CNTN4: variants seen among roughly 807,000 people sequenced by gnomAD.
CNTN4 encodes contactin-4.
CNTN4 carries 77 observed loss-of-function variants against 122.5 expected under a neutral mutation model. The ratio of observed to expected loss-of-function variants is 0.63; its 90% CI spans 0.52 to 0.76. The LOEUF (loss-of-function observed/expected upper bound fraction) is 0.76, where lower values mean the gene tolerates loss of function less well. Among genes scored for constraint, CNTN4 ranks in the 30% least tolerant of loss-of-function variants. CNTN4 has a pLI of 0.00. For missense variants in CNTN4, 1,256 were observed against 1,259.1 expected (o/e 1.00, Z 0.04); for synonymous variants, 512 against 447.0 (o/e 1.15, Z -1.83).
chr3:2,272,910 A>G (rs1293212167), intron 2 of CNTN4, among the ~76,000 whole-genome samples: 3 of 152,082 alleles, frequency 2.0e-5, no homozygotes, highest in Non-Finnish European at 4.4e-5. Flanking sequence ...ATCAAGCCCT[A>G]TCAAAGTGCC....
chr3:2,754,047 G>A (rs902386385), intron 6 of CNTN4, among the ~76,000 whole-genome samples: 3 of 152,080 alleles, frequency 2.0e-5, no homozygotes, highest in African/African-American at 7.2e-5. Flanking sequence ...TAACTGGTTG[G>A]TAAACTGTTT....
chr3:2,556,183 G>A (rs1439823404), intron 3 of CNTN4, among the ~76,000 whole-genome samples: 7 of 152,078 alleles, frequency 4.6e-5, no homozygotes, highest in Non-Finnish European at 1.0e-4. Flanking sequence ...ACAAAAATTG[G>A]CACCAAGAGG....
At chr3:2,599,945 C>G (rs59961868) in intron 4 of CNTN4, among the ~76,000 whole-genome samples, 1 of 127,376 alleles carries the variant, frequency 7.9e-6, no homozygotes, top group African/African-American at 2.8e-5. Flanking sequence ...CCTCAAGTGA[C>G]AAAAATGTTC....
chr3:3,020,631 C>A (rs1182556947), intron 14 of CNTN4, among the ~76,000 whole-genome samples: 1 of 152,196 alleles, frequency 6.6e-6, no homozygotes, highest in Admixed American at 6.5e-5. Flanking sequence ...TCTTCTGTGG[C>A]AGCCTATTTC....
At chr3:2,783,363 T>C (rs1161797328) in intron 6 of CNTN4, among the ~76,000 whole-genome samples, 3 of 152,186 alleles carry the variant, frequency 2.0e-5, no homozygotes, top group African/African-American at 4.8e-5. Flanking sequence ...GTCACAGCAG[T>C]TAGCTGCAGT....
rs2093988039 is a variant in CNTN4, at chr3:2,887,129, T to C, written c.845T>C (p.Ile282Thr). ...RRHKSNGILEIPNFQQEDAGL... is the reference protein window; with the variant it reads ...RRHKSNGILETPNFQQEDAGL... ...CACAAGTCAAATGGAATTCTTGAGA[T>C]CCCTAATTTTCAGCAGGAGGATGCT... The change falls in exon 10 of 25, where the codon ATC (isoleucine) becomes ACC (threonine). Residue 282 changes from isoleucine (I) to threonine (T), a missense_variant. By Grantham distance (89) the Ile-to-Thr change is moderately conservative. Coordinates refer to ENST00000418658, the MANE Select transcript of CNTN4 (RefSeq NM_175607.3). 6.2e-7 allele frequency: 1 copy of C among 1,614,018 alleles called. No homozygotes were observed. Among genetic ancestry groups the C allele is most frequent in the Non-Finnish European group, 8.5e-7 (1 of 1,180,022 alleles).
chr3:2,358,305 C>G (rs1020239057), intron 3 of CNTN4, among the ~76,000 whole-genome samples: 1 of 152,122 alleles, frequency 6.6e-6, no homozygotes, highest in Non-Finnish European at 1.5e-5. Context: ...GACAGTAACA[C>G]CTACCTCGCA....
At chr3:2,632,578 T>G (rs1424912005) in intron 4 of CNTN4, among the ~76,000 whole-genome samples, 1 of 152,170 alleles carries the variant, frequency 6.6e-6, no homozygotes, top group Non-Finnish European at 1.5e-5. Flanking sequence ...GTATTGACAT[T>G]GAGAGAACCC....
Position 3,056,861 on chromosome 3 carries a change from T to C in CNTN4, c.*641T>C, listed in dbSNP as rs1701834245. 1 of 152,742 alleles carries C rather than the reference T, an allele frequency of 6.5e-6. No homozygotes were observed. Among genetic ancestry groups the C allele is most frequent in the Non-Finnish European group, 1.5e-5 (1 of 68,116 alleles). 9.5% of individuals were successfully genotyped at this position (152,742 alleles called of 1,614,324 possible). The stretch of plus-strand genomic sequence containing the variant: ...GTGAATTTTGTTGTTCAACCCAACT[T>C]GAGATGGTTTCAGGAATGGCTGCAA... On this transcript the variant is annotated 3_prime_UTR_variant, in exon 25 of 25. Coordinates refer to ENST00000418658, the MANE Select transcript of CNTN4 (RefSeq NM_175607.3).
chr3:2,159,280 A>G (rs2035854918), intron 2 of CNTN4, among the ~76,000 whole-genome samples: 1 of 152,188 alleles, frequency 6.6e-6, no homozygotes, highest in South Asian at 2.1e-4. Context: ...ATAAGCCCCA[A>G]CATATCCCTG....
chr3:2,131,332 T>C (rs1553572600), intron 2 of CNTN4, among the ~76,000 whole-genome samples: 1 of 152,156 alleles, frequency 6.6e-6, no homozygotes, highest in African/African-American at 2.4e-5. Context: ...GCCCATAGAC[T>C]CAGTCTTACA....
chr3:2,296,287 A>G (rs1353773808), intron 2 of CNTN4, among the ~76,000 whole-genome samples: 1 of 152,006 alleles, frequency 6.6e-6, no homozygotes, highest in Non-Finnish European at 1.5e-5. Context: ...CATTTTCATG[A>G]TATTGATTCT....
Position 2,563,774 on chromosome 3 carries a change from T to G in CNTN4, c.-88-7642T>G, listed in dbSNP as rs191377136. 2.7e-3 allele frequency among the ~76,000 whole-genome samples: 417 copies of G among 152,296 alleles called. 3 individuals are homozygous for G. The highest frequency in any genetic ancestry group is 9.6e-3 in the African/African-American group (398 of 41,574). On this transcript the variant is annotated intron_variant, in intron 3 of 24. Coordinates refer to ENST00000418658, the MANE Select transcript of CNTN4 (RefSeq NM_175607.3). ...ATCTATATGTCCAAATAAATAATACTTATTAAAAATGATGGACTGTAAGGT... is the reference window on the plus strand; with the variant it reads ...ATCTATATGTCCAAATAAATAATACGTATTAAAAATGATGGACTGTAAGGT...
chr3:2,114,535 A>G (rs987357281), intron 2 of CNTN4, among the ~76,000 whole-genome samples: 1 of 152,168 alleles, frequency 6.6e-6, no homozygotes. Flanking sequence ...AAAAATGGCA[A>G]GTTTGGAGAA....
At chr3:3,047,541 G>A (rs1425991326) in intron 23 of CNTN4, among the ~76,000 whole-genome samples, 4 of 145,860 alleles carry the variant, frequency 2.7e-5, no homozygotes, top group East Asian at 1.9e-4. Flanking sequence ...GGTACATAAC[G>A]AAATGAAGGC....
chr3:2,869,759 C>G (rs2093764347), intron 8 of CNTN4, among the ~76,000 whole-genome samples: 1 of 152,104 alleles, frequency 6.6e-6, no homozygotes, highest in African/African-American at 2.4e-5. Flanking sequence ...CGGTGCTTGC[C>G]ACATGGCAAA....
chr3:2,261,857 G>A (rs577972722), intron 2 of CNTN4, among the ~76,000 whole-genome samples: 12 of 152,258 alleles, frequency 7.9e-5, no homozygotes, highest in African/African-American at 2.9e-4. Flanking sequence ...CCGAGTATCT[G>A]TGTGTGGGAT....
chr3:2,341,052 A>C (rs567576142), intron 3 of CNTN4, among the ~76,000 whole-genome samples: 1 of 152,002 alleles, frequency 6.6e-6, no homozygotes, highest in Admixed American at 6.6e-5. Context: ...CATTATTCCA[A>C]GATACTCTGA....
intron 6 of CNTN4, among the ~76,000 whole-genome samples, chr3:2,808,791 G>A (rs1205028152): frequency 6.6e-6 from 1 of 152,200 alleles, no homozygotes; most frequent in African/African-American, 2.4e-5. Context: ...GGGAAAGTAG[G>A]TGGCTCCATG....
Sources: gnomAD v4.1 joint callset for allele counts (sites outside exome capture counted in the v4.1 genomes callset) on GRCh38, gnomAD v4.1.1 for gene constraint, MANE v1.5 for transcripts, NCBI Gene and HGNC (gene_info 2026-07-23, HGNC 2026-07-21) for gene names.